THRB: variants seen among roughly 807,000 people sequenced by gnomAD.
THRB encodes thyroid hormone receptor beta, also known as nuclear receptor subfamily 1 group A member 2.
THRB carries 12 observed loss-of-function variants against 47.8 expected under a neutral mutation model. That is an observed-to-expected ratio of 0.25 (90% confidence interval 0.16 to 0.41). THRB has a LOEUF of 0.41. THRB is among the 10% of genes least tolerant of loss of function. THRB has a pLI of 1.00. For missense variants in THRB, 348 were observed against 589.2 expected, an observed-to-expected ratio of 0.59 and a Z score of 4.24; for synonymous variants, 218 against 212.2, an observed-to-expected ratio of 1.03 and a Z score of -0.24.
At chr3:24,286,816 A>T (rs565617520) in intron 3 of THRB, among the ~76,000 whole-genome samples, 1 of 152,248 alleles carries the variant, frequency 6.6e-6, no homozygotes, top group South Asian at 2.1e-4. Flanking sequence ...TTCTCTGAGG[A>T]GCAAGCATGT....
intron 1 of THRB, among the ~76,000 whole-genome samples, chr3:24,396,882 T>A (rs183494845): frequency 1.6e-4 from 24 of 152,254 alleles, no homozygotes; most frequent in African/African-American, 4.6e-4. Flanking sequence ...AAGCTGTGTC[T>A]AGTGCTTTCC....
intron 1 of THRB, among the ~76,000 whole-genome samples, chr3:24,371,887 A>C (rs758301142): frequency 6.6e-6 from 1 of 152,192 alleles, no homozygotes; most frequent in Non-Finnish European, 1.5e-5. Context: ...CTTCAAAAGT[A>C]TATACAATTT....
chr3:24,208,061 CAGAG>C (rs2045592188), intron 4 of THRB, among the ~76,000 whole-genome samples: 1 of 151,962 alleles, frequency 6.6e-6, no homozygotes, highest in Non-Finnish European at 1.5e-5. Context: ...AACAGACAAA[CAGAG>C]AGCCAAATCA....
At chr3:24,225,892 G>A (rs1265005186) in intron 4 of THRB, among the ~76,000 whole-genome samples, 1 of 152,102 alleles carries the variant, frequency 6.6e-6, no homozygotes, top group Non-Finnish European at 1.5e-5. Context: ...TTCAATGAAT[G>A]ATTTCATATA....
chr3:24,318,052 C>T (rs190272039), intron 2 of THRB, among the ~76,000 whole-genome samples: 3 of 151,818 alleles, frequency 2.0e-5, no homozygotes, highest in East Asian at 1.9e-4. Flanking sequence ...AAAGAATGAA[C>T]GAATGAAAAG....
rs73043733 is a variant in THRB, at chr3:24,354,938, C to T, written c.-260-17567G>A. Among the ~76,000 whole-genome samples the T allele has an allele frequency of 7.4e-3, 1,130 of 152,164 alleles. 8 individuals carry two copies. The highest frequency in any genetic ancestry group is 0.012 in the Non-Finnish European group (795 of 67,988). Reference sequence around the variant, plus strand: ...AAACAGAGGAGAAGGGAAAACTCTTCCTCAAGGCAGAATGGATATTAAAAC... The same window carrying T: ...AAACAGAGGAGAAGGGAAAACTCTTTCTCAAGGCAGAATGGATATTAAAAC... On this transcript the variant is annotated intron_variant, in intron 1 of 10. Transcript: ENST00000646209.
chr3:24,331,632 C>T (rs149431549), intron 2 of THRB, among the ~76,000 whole-genome samples: 78 of 151,916 alleles, frequency 5.1e-4, no homozygotes, highest in African/African-American at 1.7e-3. Context: ...TATGAATATA[C>T]ATACACATAT....
chr3:24,162,803 C>T (rs372793412), intron 5 of THRB, among the ~76,000 whole-genome samples: 10 of 151,412 alleles, frequency 6.6e-5, no homozygotes, highest in African/African-American at 1.5e-4. Context: ...TCCTTTATTT[C>T]ACCAGTTTGT....
At chr3:24,164,115 T>C (rs763322921) in intron 5 of THRB, among the ~76,000 whole-genome samples, 10 of 152,180 alleles carry the variant, frequency 6.6e-5, no homozygotes, top group Non-Finnish European at 1.2e-4. Context: ...GATTCTGGCA[T>C]ATCTGCACTA....
At chr3:24,218,929 A>T (rs2046888464) in intron 4 of THRB, among the ~76,000 whole-genome samples, 1 of 152,190 alleles carries the variant, frequency 6.6e-6, no homozygotes, top group African/African-American at 2.4e-5. Context: ...TCCCATAACC[A>T]AAAGTACCAC....
At chr3:24,130,529 T>C (rs1253399170) in intron 9 of THRB, among the ~76,000 whole-genome samples, 1 of 152,044 alleles carries the variant, frequency 6.6e-6, no homozygotes, top group Non-Finnish European at 1.5e-5. Flanking sequence ...ACAGACTCAG[T>C]AGAGTTCCTC....
chr3:24,411,685 A>T (rs1009921827), intron 1 of THRB, among the ~76,000 whole-genome samples: 1 of 151,830 alleles, frequency 6.6e-6, no homozygotes, highest in African/African-American at 2.4e-5. Context: ...GACATTTGGC[A>T]ATACCTGGGA....
In THRB at chr3:24,159,260, G is replaced by A. The variant is rs62255841; in HGVS notation, c.284-6770C>T. Among the ~76,000 whole-genome samples, 1,028 of 152,280 alleles carry A rather than the reference G, an allele frequency of 6.8e-3. 13 individuals carry two copies. The highest frequency in any genetic ancestry group is 0.061 in the South Asian group (296 of 4,822). ...CTGTTGCATTTGTCATCAGAACACC[G>A]TCACTGTCGTTATGAGCTATACTGC... On this transcript the variant is annotated intron_variant, in intron 5 of 10. Coordinates refer to ENST00000646209, the MANE Select transcript of THRB (RefSeq NM_001354712.2).
At chr3:24,197,366 A>G (rs2044069685) in intron 4 of THRB, among the ~76,000 whole-genome samples, 1 of 152,198 alleles carries the variant, frequency 6.6e-6, no homozygotes, top group African/African-American at 2.4e-5. Context: ...CCAAGGTTCA[A>G]ATTCTGACTC....
In THRB at chr3:24,185,028, G is replaced by A. The variant is rs1051460392; in HGVS notation, c.283+5046C>T. On this transcript the variant is annotated intron_variant, in intron 5 of 10. Coordinates refer to ENST00000646209, the MANE Select transcript of THRB (RefSeq NM_001354712.2). Reference sequence around the variant, plus strand: ...CTTTGTTATTTTGGTAAATGAGAATGGCACATCATTTGAAATTGTCATCAC... The same window carrying A: ...CTTTGTTATTTTGGTAAATGAGAATAGCACATCATTTGAAATTGTCATCAC... Among the ~76,000 whole-genome samples the A allele has an allele frequency of 5.3e-5, 8 of 152,252 alleles. No individual in the cohort carries two copies. In the East Asian group the frequency reaches 1.5e-3, roughly 29 times the overall value.
At chr3:24,385,288 A>G (rs1471095457) in intron 1 of THRB, among the ~76,000 whole-genome samples, 1 of 152,110 alleles carries the variant, frequency 6.6e-6, no homozygotes, top group African/African-American at 2.4e-5. Flanking sequence ...ACTTGGGAGA[A>G]TAAACTACTT....
intron 1 of THRB, among the ~76,000 whole-genome samples, chr3:24,447,747 C>A (rs2072241235): frequency 6.6e-6 from 1 of 152,006 alleles, no homozygotes. Flanking sequence ...TCGAGAAAGC[C>A]TGACCATTTT....
At chr3:24,482,592 C>G (rs1475181048) in intron 1 of THRB, among the ~76,000 whole-genome samples, 1 of 146,688 alleles carries the variant, frequency 6.8e-6, no homozygotes, top group Non-Finnish European at 1.5e-5. Flanking sequence ...TAGCTCCCAA[C>G]CAATCCAGGA....
At chr3:24,458,080 TAGGGTCCACACTCGG>T (rs2073356376) in intron 1 of THRB, 1 of 152,290 alleles carries the variant, frequency 6.6e-6, no homozygotes, top group East Asian at 1.9e-4. Context: ...GGGGCTGGCC[TAGGGTCCACACTCGG>T]AATAGGAAGG....
Sources: gnomAD v4.1 joint callset for allele counts (sites outside exome capture counted in the v4.1 genomes callset) on GRCh38, gnomAD v4.1.1 for gene constraint, MANE v1.5 for transcripts, NCBI Gene and HGNC (gene_info 2026-07-23, HGNC 2026-07-21) for gene names.